PAPOLA: variants seen among roughly 807,000 people sequenced by gnomAD.
PAPOLA encodes polynucleotide adenylyltransferase alpha.
A neutral mutation model predicts 100.6 loss-of-function variants in PAPOLA; 15 were observed. The observed-to-expected ratio is 0.15, with a 90% CI of 0.10 to 0.23. The LOEUF (loss-of-function observed/expected upper bound fraction) is 0.23. Ranked by LOEUF, PAPOLA falls within the 10% of genes least tolerant of loss-of-function variation. The probability of loss-of-function intolerance (pLI) is 1.00; values close to 1 mark genes in which losing one functional copy is unlikely to be tolerated. For synonymous variants in PAPOLA, 293 were observed against 300.0 expected (o/e 0.98, Z 0.24); for missense variants, 533 against 884.2 (o/e 0.60, Z 5.04).
At chr14:96,528,768 A>C (rs1898728913) in intron 6 of PAPOLA, among the ~76,000 whole-genome samples, 1 of 152,232 alleles carries the variant, frequency 6.6e-6, no homozygotes, top group Admixed American at 6.5e-5. Context: ...TTTGCAAAAA[A>C]ATGGCTGCAT....
chr14:96,505,223 C>A (rs1259517551), intron 1 of PAPOLA, among the ~76,000 whole-genome samples: 1 of 152,182 alleles, frequency 6.6e-6, no homozygotes, highest in East Asian at 1.9e-4. Context: ...AGTTTAACAG[C>A]AGCCTTAGCT....
chr14:96,529,473 A>G (rs993145714), intron 6 of PAPOLA, among the ~76,000 whole-genome samples: 5 of 151,886 alleles, frequency 3.3e-5, no homozygotes, highest in African/African-American at 1.2e-4. Context: ...CTGTAATCCC[A>G]GCACTTTGGG....
chr14:96,534,967 A>C (rs1226703678), intron 10 of PAPOLA: 8 of 989,104 alleles, frequency 8.1e-6, no homozygotes, highest in African/African-American at 1.7e-5. Context: ...TAATGTTTAC[A>C]TGTGGCATAT....
chr14:96,534,673 T>C (rs559562789), intron 10 of PAPOLA, 110 bp downstream of exon 10: 1 of 1,565,188 alleles, frequency 6.4e-7, no homozygotes, highest in Non-Finnish European at 8.6e-7. Flanking sequence ...AATGGTCATG[T>C]CCGTATTACA....
chr14:96,544,369 T>G (rs951388701), intron 15 of PAPOLA, 111 bp downstream of exon 15: 1 of 616,102 alleles, frequency 1.6e-6, no homozygotes, highest in African/African-American at 1.9e-5. Flanking sequence ...TTGCGAATAT[T>G]GAACTATCAT....
chr14:96,509,965 C>CTTTTTTTTTTTTT (rs11372552), intron 1 of PAPOLA, among the ~76,000 whole-genome samples: 1 of 84,426 alleles, frequency 1.2e-5, no homozygotes, highest in African/African-American at 4.6e-5. Context: ...GTGGGAGTTG[C>CTTTTTTTTTTTTT]TTTTTTTTTT....
In PAPOLA at chr14:96,541,393, G is replaced by A. The variant is rs568690057; in HGVS notation, c.1116-850G>A. 3.1e-4 allele frequency among the ~76,000 whole-genome samples: 47 copies of A among 152,276 alleles called. No homozygotes were observed. In the South Asian group the frequency reaches 7.7e-3, roughly 25 times the overall value. On this transcript the variant is annotated intron_variant, in intron 12 of 21. Transcript: ENST00000216277. Reference sequence around the variant, plus strand: ...GAAACTAGTGTCAGTACTAGATGATGTCAGTTTGCTTTTTGGGGTAGAGAT... The same window carrying A: ...GAAACTAGTGTCAGTACTAGATGATATCAGTTTGCTTTTTGGGGTAGAGAT...
intron 1 of PAPOLA, among the ~76,000 whole-genome samples, chr14:96,519,622 C>A (rs1042282739): frequency 2.0e-5 from 3 of 152,114 alleles, no homozygotes; most frequent in African/African-American, 7.2e-5. Flanking sequence ...TAAGTTTTTG[C>A]TATTTGCTTC....
chr14:96,561,618 G>A (rs1281110732), intron 20 of PAPOLA, among the ~76,000 whole-genome samples: 2 of 151,994 alleles, frequency 1.3e-5, no homozygotes, highest in African/African-American at 4.8e-5. Context: ...TGTAATATTG[G>A]TTACAGCTAA....
chr14:96,541,478 GA>G (rs370343279), intron 12 of PAPOLA, among the ~76,000 whole-genome samples: 2 of 152,128 alleles, frequency 1.3e-5, no homozygotes, highest in African/African-American at 4.8e-5. Context: ...GAGTATATTG[GA>G]TTGAACTTTT....
In PAPOLA at chr14:96,532,343, C is replaced by T; in HGVS notation, c.620C>T (p.Thr207Ile). 1.2e-6 allele frequency: 2 copies of T among 1,610,774 alleles called. No homozygotes were observed. The highest frequency in any genetic ancestry group is 1.7e-6 in the Non-Finnish European group (2 of 1,179,054). The part of the protein sequence containing the change: ...CIRSLNGCRV[T>I]DEILHLVPNI... ...CCCTATTAATTAGGTTGCAGGGTAA[C>T]CGATGAAATTTTACATCTAGTACCA... The change falls in exon 8 of 22, where the codon ACC (threonine) becomes ATC (isoleucine). Residue 207 changes from threonine (T) to isoleucine (I), a missense_variant. By Grantham distance (89) the Thr-to-Ile change is moderately conservative. Around this residue, in one of 9 missense-constraint regions of PAPOLA, gnomAD observed 32 missense variants for 95.0 expected, o/e 0.34. Transcript: ENST00000216277.
chr14:96,552,913 A>C (rs1365952719), intron 17 of PAPOLA: 2 of 340,248 alleles, frequency 5.9e-6, no homozygotes, highest in Admixed American at 4.4e-5. Flanking sequence ...GCTACAGTGC[A>C]CTGTATGGTG....
chr14:96,539,591 A>G (rs954453188), intron 12 of PAPOLA, among the ~76,000 whole-genome samples: 1 of 152,156 alleles, frequency 6.6e-6, no homozygotes, highest in Admixed American at 6.5e-5. Context: ...TGGAAACTAT[A>G]TATTTTTAAA....
At chr14:96,553,511 TAA>T (rs758321681) in intron 17 of PAPOLA, 184 of 130,162 alleles carry the variant, frequency 1.4e-3, no homozygotes, top group African/African-American at 1.3e-3. Context: ...GACCCTGTCT[TAA>T]AAAAAAAAAA....
At chr14:96,532,308 T>TG (rs1566848980) in intron 7 of PAPOLA, 23 bp from the exon 8 acceptor site, 30 of 1,564,250 alleles carry the variant, frequency 1.9e-5, no homozygotes, top group African/African-American at 2.8e-5. Flanking sequence ...GTGTGTGTGT[T>TG]TTTTTTTACC....
chr14:96,548,950 C>G (rs531516088), intron 16 of PAPOLA, among the ~76,000 whole-genome samples: 8 of 152,282 alleles, frequency 5.3e-5, no homozygotes, highest in Admixed American at 2.6e-4. Flanking sequence ...AATTCAGGCT[C>G]TACTGTTTCC....
chr14:96,507,836 T>G (rs1323030126), intron 1 of PAPOLA, among the ~76,000 whole-genome samples: 1 of 152,124 alleles, frequency 6.6e-6, no homozygotes, highest in East Asian at 1.9e-4. Flanking sequence ...GACTTTTCAG[T>G]GGTGGTATGA....
chr14:96,507,731 T>C (rs1896831309), intron 1 of PAPOLA, among the ~76,000 whole-genome samples: 1 of 152,216 alleles, frequency 6.6e-6, no homozygotes, highest in African/African-American at 2.4e-5. Context: ...CTCAATACAT[T>C]TTAAGAGTTT....
At chr14:96,507,826 G>A (rs1896837192) in intron 1 of PAPOLA, among the ~76,000 whole-genome samples, 1 of 152,112 alleles carries the variant, frequency 6.6e-6, no homozygotes, top group South Asian at 2.1e-4. Flanking sequence ...AGATGAAGTA[G>A]ACTTTTCAGT....
Sources: gnomAD v4.1 joint callset for allele counts (sites outside exome capture counted in the v4.1 genomes callset) on GRCh38, gnomAD v4.1.1 for gene constraint, gnomAD v4.1.1 regional missense constraint, MANE v1.5 for transcripts, NCBI Gene and HGNC (gene_info 2026-07-23, HGNC 2026-07-21) for gene names.